CDC123: variants seen among roughly 807,000 people sequenced by gnomAD.
The protein encoded by CDC123 is cell division cycle 123.
CDC123 carries 37 observed loss-of-function variants against 54.4 expected under a neutral mutation model. The observed-to-expected ratio is 0.68, with a 90% CI of 0.52 to 0.89. CDC123 has a LOEUF of 0.89. CDC123 is among the 40% of genes least tolerant of loss of function. The pLI is 0.00. For synonymous variants in CDC123, 144 were observed against 136.8 expected, an observed-to-expected ratio of 1.05 and a Z score of -0.37; for missense variants, 361 against 412.1, an observed-to-expected ratio of 0.88 and a Z score of 1.07.
Position 12,217,451 on chromosome 10 carries a change from C to A in CDC123, c.424C>A (p.Arg142Ser), listed in dbSNP as rs759324048. The A allele has an allele frequency of 2.5e-6, 4 of 1,613,704 alleles. No homozygotes were observed. Among genetic ancestry groups the A allele is most frequent in the Non-Finnish European group, 3.4e-6 (4 of 1,179,864 alleles). The stretch of plus-strand genomic sequence containing the variant: ...TTTCAAGAGTTCCGATTTCATCACT[C>A]GTGACTTCACTCAGCCGTAAGTATC... The part of the protein sequence containing the change: ...LLFKSSDFIT[R>S]DFTQPFIHCT... Residue 142 changes from arginine (R) to serine (S), a missense_variant, in exon 6 of 13, where the codon CGT becomes AGT. Coordinates refer to ENST00000281141, the MANE Select transcript of CDC123 (RefSeq NM_006023.3).
chr10:12,250,115 G>T, intron 12 of CDC123, 196 bp from the exon 13 acceptor site: 1 of 500,154 alleles, frequency 2.0e-6, no homozygotes, highest in South Asian at 3.5e-5. Context: ...GGAAGAAAGA[G>T]AAGAAAATAC....
chr10:12,230,095 T>C (rs1835878783), intron 6 of CDC123, among the ~76,000 whole-genome samples: 1 of 152,224 alleles, frequency 6.6e-6, no homozygotes, highest in African/African-American at 2.4e-5. Flanking sequence ...ATGCTATCTC[T>C]ATGGTTATAA....
intron 2 of CDC123, among the ~76,000 whole-genome samples, chr10:12,206,678 G>A (rs1040633152): frequency 6.6e-6 from 1 of 152,172 alleles, no homozygotes; most frequent in Non-Finnish European, 1.5e-5. Flanking sequence ...TGGGCATGAG[G>A]TCAGATGCGG....
At chr10:12,217,618 TC>T in intron 6 of CDC123, 151 bp downstream of exon 6, 1 of 724,234 alleles carries the variant, frequency 1.4e-6, no homozygotes, top group Non-Finnish European at 2.1e-6. Context: ...TTAAAGCAAA[TC>T]TTTCTTTTCC....
chr10:12,230,712 G>C (rs975017973), intron 6 of CDC123, among the ~76,000 whole-genome samples: 2 of 152,200 alleles, frequency 1.3e-5, no homozygotes, highest in African/African-American at 4.8e-5. Context: ...ATCCTGGAAG[G>C]TACAGTCTTG....
intron 6 of CDC123, among the ~76,000 whole-genome samples, chr10:12,221,892 A>G (rs1835742508): frequency 6.6e-6 from 1 of 152,090 alleles, no homozygotes; most frequent in South Asian, 2.1e-4. Flanking sequence ...CAGGGAAGCT[A>G]AAAGTTTGGA....
intron 4 of CDC123, among the ~76,000 whole-genome samples, chr10:12,213,219 G>A (rs963372405): frequency 5.9e-5 from 9 of 152,208 alleles, no homozygotes; most frequent in African/African-American, 2.2e-4. Flanking sequence ...AAGAAAAATA[G>A]TAATGTTACA....
chr10:12,196,383 T>G, intron 1 of CDC123, 64 bp downstream of exon 1: 1 of 1,608,160 alleles, frequency 6.2e-7, no homozygotes, highest in Non-Finnish European at 8.5e-7. Flanking sequence ...TGAGCGAATC[T>G]TACTGCTATC....
intron 6 of CDC123, among the ~76,000 whole-genome samples, chr10:12,227,585 A>G (rs1020222377): frequency 1.3e-5 from 2 of 151,482 alleles, no homozygotes; most frequent in East Asian, 1.9e-4. Flanking sequence ...GCAACCTTCA[A>G]CTCCTGGGTT....
intron 2 of CDC123, among the ~76,000 whole-genome samples, chr10:12,200,443 C>G (rs1054583131): frequency 2.0e-5 from 3 of 151,700 alleles, no homozygotes; most frequent in Non-Finnish European, 2.9e-5. Context: ...TTCTCAAATA[C>G]GTGTACCTAT....
At chr10:12,244,338 G>T (rs1485067527) in intron 10 of CDC123, among the ~76,000 whole-genome samples, 2 of 152,252 alleles carry the variant, frequency 1.3e-5, no homozygotes, top group Non-Finnish European at 2.9e-5. Flanking sequence ...GAATGTTTCA[G>T]TGAGAAAAGT....
At chr10:12,214,709 A>G (rs1226874391) in intron 4 of CDC123, among the ~76,000 whole-genome samples, 1 of 152,068 alleles carries the variant, frequency 6.6e-6, no homozygotes, top group East Asian at 1.9e-4. Flanking sequence ...TTTCTCTCGC[A>G]TAGCTGGGTT....
At position 12,250,584 on chromosome 10, in the gene CDC123, G is replaced by T. The variant is rs1278086501; in HGVS notation, c.*247G>T. 1.1e-5 allele frequency: 5 copies of T among 435,382 alleles called. No homozygotes were observed. In the South Asian group the frequency reaches 2.9e-4, roughly 25 times the overall value. 27.0% of individuals were successfully genotyped at this position (435,382 alleles called of 1,614,324 possible). Reference sequence around the variant, plus strand: ...GTTCTGATAATAAAATGCTTTCTATGAAATACGTTGCTTTTCTACCGAGTC... The same window carrying T: ...GTTCTGATAATAAAATGCTTTCTATTAAATACGTTGCTTTTCTACCGAGTC... On this transcript the variant is annotated 3_prime_UTR_variant, in exon 13 of 13. Coordinates refer to ENST00000281141, the MANE Select transcript of CDC123 (RefSeq NM_006023.3).
chr10:12,198,825 C>T lies in CDC123; in HGVS notation c.146+49C>T, dbSNP rs566393936. The T allele has an allele frequency of 1.1e-5, 11 of 991,290 alleles. No individual in the cohort carries two copies. The Admixed American group carries it at 2.2e-4, about 20-fold the overall frequency. The allele number at this position is 991,290 out of a possible 1,614,324, so 61.4% of individuals were successfully genotyped here. On this transcript the variant is annotated intron_variant, in intron 2 of 12. Coordinates refer to ENST00000281141, the MANE Select transcript of CDC123 (RefSeq NM_006023.3). Reference sequence around the variant, plus strand: ...TCTTAAACTTTATCATAAAGAAACACATAAAATGAATGAATTAGCTTAGGC... The same window carrying T: ...TCTTAAACTTTATCATAAAGAAACATATAAAATGAATGAATTAGCTTAGGC...
intron 6 of CDC123, among the ~76,000 whole-genome samples, chr10:12,218,606 C>A (rs1220561072): frequency 6.6e-6 from 1 of 152,142 alleles, no homozygotes; most frequent in Non-Finnish European, 1.5e-5. Context: ...TGTCTAAATT[C>A]ATTATTTTCC....
chr10:12,237,786 C>T (rs1317935830), intron 9 of CDC123, among the ~76,000 whole-genome samples: 2 of 152,046 alleles, frequency 1.3e-5, no homozygotes, highest in African/African-American at 4.8e-5. Context: ...AAGTCAGTTC[C>T]CTGTCTTGTT....
At chr10:12,210,259 A>C in intron 3 of CDC123, 31 bp from the exon 4 acceptor site, 1 of 1,612,578 alleles carries the variant, frequency 6.2e-7, no homozygotes, top group Non-Finnish European at 8.5e-7. Context: ...TTTAAATTTA[A>C]TGTTTTATTT....
intron 10 of CDC123, among the ~76,000 whole-genome samples, chr10:12,241,051 C>T (rs985644327): frequency 2.6e-5 from 4 of 152,164 alleles, no homozygotes; most frequent in Non-Finnish European, 4.4e-5. Context: ...CATCACAGTA[C>T]CTGCAGGCTT....
rs543337462 is a variant in CDC123, at chr10:12,200,120, A to ATTTTTTTTTTTTTTTTTTTTT, written c.146+1347_146+1367dup. Among the ~76,000 whole-genome samples, 11 of 59,366 alleles carry ATTTTTTTTTTTTTTTTTTTTT rather than the reference A, an allele frequency of 1.9e-4. 1 individual carries two copies. The highest frequency in any genetic ancestry group is 3.0e-4 in the African/African-American group (5 of 16,672). The allele number at this position is 59,366 out of a possible 152,430, so 38.9% of individuals were successfully genotyped here. A position where few individuals can be genotyped will look rare whatever the true frequency, so the allele number is the denominator to read the frequency against. On this transcript the variant is annotated intron_variant, in intron 2 of 12. Coordinates refer to ENST00000281141, the MANE Select transcript of CDC123 (RefSeq NM_006023.3). ...ATAGGCCTGAGCCACCGCACTCGGC[A>ATTTTTTTTTTTTTTTTTTTTT]TTTTTTTTTTTTTTTTTTTTTTTAA... is the stretch of plus-strand genomic sequence containing the variant.
Sources: allele counts gnomAD v4.1 joint callset (sites outside exome capture counted in the v4.1 genomes callset), GRCh38; gene constraint gnomAD v4.1.1; transcripts MANE v1.5; gene names NCBI Gene and HGNC (gene_info 2026-07-23, HGNC 2026-07-21).